GBE1: variants seen among roughly 807,000 people sequenced by gnomAD.
GBE1 encodes the protein 1,4-alpha-glucan-branching enzyme.
A neutral mutation model predicts 88.8 loss-of-function variants in GBE1; 70 were observed. The ratio of observed to expected loss-of-function variants is 0.79; its 90% CI spans 0.65 to 0.96. The LOEUF (loss-of-function observed/expected upper bound fraction) is 0.96, where lower values mean the gene tolerates loss of function less well. Among genes scored for constraint, GBE1 ranks in the 40% least tolerant of loss-of-function variants. The pLI is 0.00. For synonymous variants in GBE1, 284 were observed against 300.1 expected, an observed-to-expected ratio of 0.95 and a Z score of 0.56; for missense variants, 872 against 871.0, an observed-to-expected ratio of 1.00 and a Z score of -0.01.
At chr3:81,705,752 T>C in intron 1 of GBE1, 139 bp from the exon 2 acceptor site, 1 of 520,148 alleles carries the variant, frequency 1.9e-6, no homozygotes, top group Non-Finnish European at 3.2e-6. Flanking sequence ...TAATTTCATT[T>C]ATTAGTAGAG....
At chr3:81,665,161 T>A (rs1222376295) in intron 3 of GBE1, among the ~76,000 whole-genome samples, 1 of 152,176 alleles carries the variant, frequency 6.6e-6, no homozygotes, top group Non-Finnish European at 1.5e-5. Context: ...TTCTAACCTC[T>A]TAGAAATGCT....
At chr3:81,703,623 T>C (rs1705732902) in intron 2 of GBE1, among the ~76,000 whole-genome samples, 1 of 152,028 alleles carries the variant, frequency 6.6e-6, no homozygotes, top group East Asian at 1.9e-4. Flanking sequence ...AAAAACTGGG[T>C]ATATGAACAT....
At chr3:81,560,801 C>T (rs1248728876) in intron 12 of GBE1, among the ~76,000 whole-genome samples, 1 of 151,836 alleles carries the variant, frequency 6.6e-6, no homozygotes, top group Non-Finnish European at 1.5e-5. Flanking sequence ...AAAATTCCTT[C>T]GTAAAAACTG....
At chr3:81,565,457 T>C (rs1401657106) in intron 12 of GBE1, among the ~76,000 whole-genome samples, 2 of 152,152 alleles carry the variant, frequency 1.3e-5, no homozygotes, top group Admixed American at 6.6e-5. Flanking sequence ...GATGGAAGAT[T>C]TGAAGTAAGA....
intron 7 of GBE1, chr3:81,612,317 G>T: frequency 1.2e-6 from 1 of 808,394 alleles, no homozygotes; most frequent in African/African-American, 1.8e-5. Flanking sequence ...TTAATGTTTC[G>T]TCAAATCCAT....
chr3:81,702,354 A>G (rs1304801764), intron 2 of GBE1, among the ~76,000 whole-genome samples: 1 of 151,996 alleles, frequency 6.6e-6, no homozygotes, highest in Non-Finnish European at 1.5e-5. Flanking sequence ...TTGAAAGTCA[A>G]AGCCCATTAG....
chr3:81,626,467 A>AT (rs1704417962), intron 7 of GBE1, among the ~76,000 whole-genome samples: 1 of 152,186 alleles, frequency 6.6e-6, no homozygotes, highest in Non-Finnish European at 1.5e-5. Context: ...TAAGTAAAGG[A>AT]TAAAAAGAGG....
At position 81,750,627 on chromosome 3, in the gene GBE1, ATACG is replaced by A. The variant is rs1464869041; in HGVS notation, c.143+10744_143+10747del. 2.0e-4 allele frequency among the ~76,000 whole-genome samples: 13 copies of A among 64,392 alleles called. 1 individual carries two copies. Among genetic ancestry groups the A allele is most frequent in the African/African-American group, 1.4e-3 (13 of 9,096 alleles). 42.2% of individuals were successfully genotyped at this position (64,392 alleles called of 152,430 possible). On this transcript the variant is annotated intron_variant, in intron 1 of 15. Transcript: ENST00000429644. ...TGTATATATATATATGTATATATAT[ATACG>A]TATATATATATATGTATATATATAT...
intron 1 of GBE1, among the ~76,000 whole-genome samples, chr3:81,759,435 A>G (rs1181120306): frequency 1.3e-5 from 2 of 152,374 alleles, no homozygotes; most frequent in African/African-American, 4.8e-5. Flanking sequence ...AAAGACACAC[A>G]GTCCAAATGG....
chr3:81,632,332 G>T (rs1184370020), intron 7 of GBE1, among the ~76,000 whole-genome samples: 1 of 151,940 alleles, frequency 6.6e-6, no homozygotes, highest in African/African-American at 2.4e-5. Context: ...AATATCCAGA[G>T]TCTACAAAGA....
chr3:81,600,214 T>C (rs957492776), intron 7 of GBE1, among the ~76,000 whole-genome samples: 4 of 152,116 alleles, frequency 2.6e-5, no homozygotes, highest in African/African-American at 4.8e-5. Context: ...TGAGCCGCGA[T>C]TGTGCCAATG....
At chr3:81,690,311 C>T (rs1404145033) in intron 2 of GBE1, among the ~76,000 whole-genome samples, 1 of 152,174 alleles carries the variant, frequency 6.6e-6, no homozygotes, top group Non-Finnish European at 1.5e-5. Context: ...CTCTAAATTC[C>T]TCTTACTAAG....
At chr3:81,740,789 C>A (rs1706339324) in intron 1 of GBE1, among the ~76,000 whole-genome samples, 1 of 151,908 alleles carries the variant, frequency 6.6e-6, no homozygotes, top group Admixed American at 6.6e-5. Context: ...CACACACACA[C>A]AATTTATTTA....
intron 7 of GBE1, among the ~76,000 whole-genome samples, chr3:81,628,319 T>C (rs1248330628): frequency 6.6e-6 from 1 of 152,050 alleles, no homozygotes; most frequent in Non-Finnish European, 1.5e-5. Context: ...TACTGAATTC[T>C]TGAAAGAATG....
Position 81,761,406 on chromosome 3 carries a change from A to T in GBE1, c.112T>A (p.Leu38Met). 1 of 1,613,192 alleles carries T rather than the reference A, an allele frequency of 6.2e-7. No individual in the cohort carries two copies. The highest frequency in any genetic ancestry group is 8.5e-7 in the Non-Finnish European group (1 of 1,179,418). The part of the protein sequence containing the change: ...LARLLEIDPY[L>M]KPYAVDFQRR... ...TGGAAGTCCACGGCGTAGGGCTTCA[A>T]GTACGGGTCGATCTCCAGGAGTCTG... Residue 38 changes from leucine to methionine, a missense_variant, in exon 1 of 16, where the codon TTG (leucine) becomes ATG (methionine). Coordinates refer to ENST00000429644, the MANE Select transcript of GBE1 (RefSeq NM_000158.4).
At position 81,739,263 on chromosome 3, in the gene GBE1, C is replaced by A. The variant is rs138860083; in HGVS notation, c.143+22112G>T. Among the ~76,000 whole-genome samples the A allele has an allele frequency of 3.7e-4, 56 of 152,274 alleles. 1 individual carries two copies. Among genetic ancestry groups the A allele is most frequent in the African/African-American group, 1.2e-3 (51 of 41,550 alleles). Reference sequence around the variant, plus strand: ...GAGCTAGGATTTGAACTCAGGCCAGCTGACCCAAGTCTCAGCTTTTAACCA... The same window carrying A: ...GAGCTAGGATTTGAACTCAGGCCAGATGACCCAAGTCTCAGCTTTTAACCA... On this transcript the variant is annotated intron_variant, in intron 1 of 15. Transcript: ENST00000429644.
chr3:81,711,811 TAATTAAA>T (rs1364059826), intron 1 of GBE1, among the ~76,000 whole-genome samples: 23 of 152,244 alleles, frequency 1.5e-4, no homozygotes, highest in African/African-American at 5.5e-4. Context: ...AAATGGGATC[TAATTAAA>T]CTAAAGAGCT....
At chr3:81,723,186 T>C (rs1706059583) in intron 1 of GBE1, among the ~76,000 whole-genome samples, 1 of 151,746 alleles carries the variant, frequency 6.6e-6, no homozygotes, top group Non-Finnish European at 1.5e-5. Flanking sequence ...TACTTCCTTA[T>C]TCATTTTCCA....
At chr3:81,594,584 C>G (rs1703930254) in intron 7 of GBE1, among the ~76,000 whole-genome samples, 1 of 151,916 alleles carries the variant, frequency 6.6e-6, no homozygotes, top group Non-Finnish European at 1.5e-5. Flanking sequence ...AAGATAAAAA[C>G]AGAAAATCAA....
Sources: allele counts gnomAD v4.1 joint callset (sites outside exome capture counted in the v4.1 genomes callset), GRCh38; gene constraint gnomAD v4.1.1; transcripts MANE v1.5; gene names NCBI Gene and HGNC (gene_info 2026-07-23, HGNC 2026-07-21).